The following DLGAP4 variants were observed in gnomAD, a reference collection of about 807,000 sequenced individuals.
DLGAP4 encodes disks large-associated protein 4.
A neutral mutation model predicts 86.9 loss-of-function variants in DLGAP4; 18 were observed. That is an observed-to-expected ratio of 0.21 (90% CI 0.14 to 0.31). DLGAP4 has a LOEUF of 0.31. Ranked by LOEUF, DLGAP4 falls within the 10% of genes least tolerant of loss-of-function variation. The pLI is 1.00. For missense variants in DLGAP4, 1,085 were observed against 1,362.6 expected (o/e 0.80, Z 3.21); for synonymous variants, 548 against 574.3 (o/e 0.95, Z 0.65).
intron 7 of DLGAP4, chr20:36,462,564 C>T (rs1440527719): frequency 6.2e-7 from 1 of 1,601,456 alleles, no homozygotes; most frequent in Non-Finnish European, 8.5e-7. Flanking sequence ...CCCCATCCGG[C>T]CCTCATGGCT....
chr20:36,409,960 G>A (rs2032449497), intron 2 of DLGAP4, among the ~76,000 whole-genome samples: 2 of 151,280 alleles, frequency 1.3e-5, no homozygotes, highest in South Asian at 2.1e-4. Flanking sequence ...CATGAACCCG[G>A]GAGGCGGAGC....
intron 2 of DLGAP4, among the ~76,000 whole-genome samples, chr20:36,392,459 C>T (rs1477585865): frequency 6.6e-6 from 1 of 152,138 alleles, no homozygotes; most frequent in African/African-American, 2.4e-5. Flanking sequence ...GCAACCTCCA[C>T]CTCCCAGATT....
At chr20:36,474,227 G>A (rs980084038) in intron 7 of DLGAP4, among the ~76,000 whole-genome samples, 10 of 152,234 alleles carry the variant, frequency 6.6e-5, no homozygotes, top group Non-Finnish European at 1.2e-4. Flanking sequence ...TGGGTGGGCT[G>A]TTTGGAGTGG....
intron 7 of DLGAP4, among the ~76,000 whole-genome samples, chr20:36,468,935 A>G (rs1034987805): frequency 6.6e-6 from 1 of 152,060 alleles, no homozygotes; most frequent in African/African-American, 2.4e-5. Context: ...CCGTATATTC[A>G]TTCTTTTTGT....
At chr20:36,468,528 A>G (rs1171631294) in intron 7 of DLGAP4, among the ~76,000 whole-genome samples, 1 of 152,236 alleles carries the variant, frequency 6.6e-6, no homozygotes, top group Admixed American at 6.5e-5. Flanking sequence ...CTCCCAGCCA[A>G]TCATTCTCTC....
rs1285976585 is a variant in DLGAP4 at position 36,429,579 on chromosome 20, T to C, written c.-72-2067T>C. 3.3e-5 allele frequency among the ~76,000 whole-genome samples: 5 copies of C among 151,630 alleles called. No individual in the cohort carries two copies. The East Asian group carries it at 7.8e-4, about 24-fold the overall frequency. ...CACACCCCACACCCAGCTAATTTTT[T>C]GTTTTTTGGTAGAGATGGGGTTTCA... On this transcript the variant is annotated intron_variant, in intron 2 of 12. Coordinates refer to ENST00000339266, the MANE Select transcript of DLGAP4 (RefSeq NM_001365621.2).
In DLGAP4 at chr20:36,496,584, G is replaced by A. The variant is rs916510725; in HGVS notation, c.1649-121G>A. 12 of 1,445,256 alleles carry A rather than the reference G, an allele frequency of 8.3e-6. No homozygotes were observed. In the East Asian group the frequency reaches 9.5e-5, roughly 11 times the overall value. The allele number at this position is 1,445,256 out of a possible 1,614,324, so 89.5% of individuals were successfully genotyped here. A position where few individuals can be genotyped will look rare whatever the true frequency, so the allele number is the denominator to read the frequency against. On this transcript the variant is annotated intron_variant, in intron 7 of 12. Transcript: ENST00000339266. ...CCCTGCTCCAGAAATCCTTGCGGAC[G>A]GAATGGCTAAGCCCAGAGCTAGGGC...
At chr20:36,424,387 G>A (rs1480691709) in intron 2 of DLGAP4, among the ~76,000 whole-genome samples, 4 of 152,194 alleles carry the variant, frequency 2.6e-5, no homozygotes, top group African/African-American at 7.2e-5. Context: ...GGGTGGAGCA[G>A]GTCAGGGTGG....
chr20:36,371,181 G>A (rs1169251840), intron 2 of DLGAP4, among the ~76,000 whole-genome samples: 1 of 152,202 alleles, frequency 6.6e-6, no homozygotes, highest in Admixed American at 6.5e-5. Context: ...GCAGCACATG[G>A]CTGGAAGTGA....
intron 1 of DLGAP4, among the ~76,000 whole-genome samples, chr20:36,317,295 A>ATCTTTCTTTCTTTCTT (rs2065117164): frequency 4.3e-5 from 1 of 23,500 alleles, no homozygotes; most frequent in African/African-American, 1.8e-4. Context: ...TTTCTTTCTT[A>ATCTTTCTTTCTTTCTT]TCTTTCTTTC....
rs561822089 is a variant in DLGAP4 at position 36,367,885 on chromosome 20, C to T, written c.-73+610C>T. Among the ~76,000 whole-genome samples the T allele has an allele frequency of 2.0e-4, 30 of 152,314 alleles. 1 individual carries two copies. The highest frequency in any genetic ancestry group is 6.2e-4 in the South Asian group (3 of 4,824). On this transcript the variant is annotated intron_variant, in intron 2 of 12. Transcript: ENST00000339266. ...CTGCTTGCATCTTTTCTTCACCTTC[C>T]GCCTCCCAAGGCTCTGCTGGCATAA...
chr20:36,446,336 C>T (rs1402669541), intron 6 of DLGAP4, among the ~76,000 whole-genome samples: 1 of 152,202 alleles, frequency 6.6e-6, no homozygotes, highest in South Asian at 2.1e-4. Context: ...CCGCCACCCC[C>T]ATTCCAACAT....
In DLGAP4 at chr20:36,527,122, G is replaced by A; in HGVS notation, c.*91G>A. The A allele has an allele frequency of 7.3e-7, 1 of 1,367,570 alleles. No homozygotes were observed. The highest frequency in any genetic ancestry group is 9.8e-7 in the Non-Finnish European group (1 of 1,019,188). The allele number at this position is 1,367,570 out of a possible 1,614,324, so 84.7% of individuals were successfully genotyped here. ...CAGAGTTTTCTCAACCTTTGCTATG[G>A]TTATTCTGTCTAGAGACCCTGAGCC... On this transcript the variant is annotated 3_prime_UTR_variant, in exon 13 of 13. Coordinates refer to ENST00000339266, the MANE Select transcript of DLGAP4 (RefSeq NM_001365621.2).
intron 2 of DLGAP4, among the ~76,000 whole-genome samples, chr20:36,424,608 GC>G (rs2032923022): frequency 1.3e-5 from 2 of 152,202 alleles, no homozygotes; most frequent in South Asian, 4.2e-4. Flanking sequence ...GTCCTGGGTG[GC>G]CATCACAGCA....
intron 2 of DLGAP4, among the ~76,000 whole-genome samples, chr20:36,377,165 AG>A: frequency 6.6e-6 from 1 of 152,318 alleles, no homozygotes; most frequent in Non-Finnish European, 1.5e-5. Context: ...ATCCCAGCTT[AG>A]GCTAGGAAAA....
rs1436795156 is a variant in DLGAP4, at chr20:36,431,048, C to G, written c.-72-598C>G. 6.6e-6 allele frequency among the ~76,000 whole-genome samples: 1 copy of G among 152,100 alleles called. No homozygotes were observed. The highest frequency in any genetic ancestry group is 1.5e-5 in the Non-Finnish European group (1 of 68,014). On this transcript the variant is annotated intron_variant, in intron 2 of 12. Coordinates refer to ENST00000339266, the MANE Select transcript of DLGAP4 (RefSeq NM_001365621.2). The surrounding 1 kb of genome is among the most constrained non-coding windows in gnomAD (Gnocchi z 5.1). ...AGAGTTCAGGAGCCCTGGGGACATGCCCACCAGCAGGCTGCATCCCCCCAT... is the reference window on the plus strand; with the variant it reads ...AGAGTTCAGGAGCCCTGGGGACATGGCCACCAGCAGGCTGCATCCCCCCAT...
At chr20:36,405,123 G>A (rs1411670075) in intron 2 of DLGAP4, among the ~76,000 whole-genome samples, 1 of 152,250 alleles carries the variant, frequency 6.6e-6, no homozygotes, top group African/African-American at 2.4e-5. Context: ...GCAAGGGCAG[G>A]TTGCCAAAGG....
chr20:36,357,038 C>G (rs1234095665), intron 1 of DLGAP4, among the ~76,000 whole-genome samples: 1 of 152,136 alleles, frequency 6.6e-6, no homozygotes, highest in Non-Finnish European at 1.5e-5. Context: ...CTAGACTACC[C>G]CACAAAGCTG....
At chr20:36,461,650 C>G in intron 7 of DLGAP4, 1 of 662,546 alleles carries the variant, frequency 1.5e-6, no homozygotes, top group Non-Finnish European at 1.7e-6. Flanking sequence ...CGCGAGGAGA[C>G]GGGGGCCGCC....
Sources: allele counts gnomAD v4.1 joint callset (sites outside exome capture counted in the v4.1 genomes callset), GRCh38; gene constraint gnomAD v4.1.1; non-coding constraint Gnocchi (gnomAD v3.1); transcripts MANE v1.5; gene names NCBI Gene and HGNC (gene_info 2026-07-23, HGNC 2026-07-21).